TP53BP2: variants seen among roughly 807,000 people sequenced by gnomAD.
TP53BP2 encodes the protein tumor protein p53 binding protein 2.
In TP53BP2, 62 loss-of-function variants were observed where a neutral mutation model predicts 126.2. That is an observed-to-expected ratio of 0.49 (90% CI 0.40 to 0.61). TP53BP2 has a LOEUF of 0.61. Among genes scored for constraint, TP53BP2 ranks in the 20% least tolerant of loss-of-function variants. The probability of loss-of-function intolerance (pLI) is 0.00; values close to 1 mark genes in which losing one functional copy is unlikely to be tolerated. For synonymous variants in TP53BP2, 485 were observed against 502.9 expected (o/e 0.96, Z 0.48); for missense variants, 1,215 against 1,402.8 (o/e 0.87, Z 2.14).
intron 4 of TP53BP2, among the ~76,000 whole-genome samples, chr1:223,809,220 G>A (rs1407146087): frequency 6.6e-6 from 1 of 152,094 alleles, no homozygotes; most frequent in Non-Finnish European, 1.5e-5. Flanking sequence ...CAACGGCTAA[G>A]ATCATTTTTA....
intron 13 of TP53BP2, among the ~76,000 whole-genome samples, chr1:223,794,638 A>G (rs1412840904): frequency 6.6e-6 from 1 of 152,246 alleles, no homozygotes; most frequent in Non-Finnish European, 1.5e-5. Context: ...AGAAAATAAC[A>G]AGTGGCTGTA....
intron 16 of TP53BP2, among the ~76,000 whole-genome samples, chr1:223,787,070 AT>A (rs1437630219): frequency 6.6e-6 from 1 of 151,436 alleles, no homozygotes; most frequent in Admixed American, 6.6e-5. Context: ...TAATTTTTGT[AT>A]TTTTAGTACA....
chr1:223,833,101 TAG>T (rs1048238425), intron 1 of TP53BP2, among the ~76,000 whole-genome samples: 1 of 152,238 alleles, frequency 6.6e-6, no homozygotes, highest in Admixed American at 6.5e-5. Context: ...GCTGTTTCTC[TAG>T]AGTTTACTCT....
chr1:223,786,988 C>T (rs757861236), intron 16 of TP53BP2, among the ~76,000 whole-genome samples: 59 of 149,604 alleles, frequency 3.9e-4, no homozygotes, highest in Middle Eastern at 3.7e-3. Context: ...CCTCCGCCTC[C>T]GGGTTCAAAC....
At chr1:223,805,390 G>C (rs560753882) in intron 5 of TP53BP2, among the ~76,000 whole-genome samples, 17 of 152,290 alleles carry the variant, frequency 1.1e-4, no homozygotes, top group African/African-American at 3.4e-4. Flanking sequence ...GCATCACCTG[G>C]AAGCTTGTGA....
intron 3 of TP53BP2, among the ~76,000 whole-genome samples, chr1:223,812,155 A>C (rs973920524): frequency 2.0e-5 from 3 of 152,090 alleles, no homozygotes; most frequent in Admixed American, 6.5e-5. Context: ...AAAGGCAACC[A>C]GGTAGCTTGG....
At chr1:223,789,242 T>A (rs541101051) in intron 15 of TP53BP2, 68 bp from the exon 16 acceptor site, 236 of 1,562,046 alleles carry the variant, frequency 1.5e-4, no homozygotes, top group Admixed American at 8.7e-4. Context: ...ATAAGATATC[T>A]GGAAAGAAAG....
At chr1:223,788,367 A>G (rs1662041277) in intron 16 of TP53BP2, among the ~76,000 whole-genome samples, 1 of 152,120 alleles carries the variant, frequency 6.6e-6, no homozygotes. Flanking sequence ...AAGCCCAACT[A>G]AAGAGGAAAA....
intron 1 of TP53BP2, among the ~76,000 whole-genome samples, chr1:223,831,520 G>C (rs1255897368): frequency 1.1e-5 from 1 of 93,806 alleles, no homozygotes. Context: ...TATATATACT[G>C]ACCTGTATGA....
At chr1:223,821,987 G>A (rs112059458) in intron 1 of TP53BP2, among the ~76,000 whole-genome samples, 6,905 of 151,836 alleles carry the variant, frequency 0.045, 212 homozygotes, top group Non-Finnish European at 0.07. Context: ...CGCCTCCCGA[G>A]TTCAAGTGAT....
intron 1 of TP53BP2, among the ~76,000 whole-genome samples, chr1:223,823,514 A>T (rs1663388032): frequency 6.6e-6 from 1 of 152,230 alleles, no homozygotes; most frequent in South Asian, 2.1e-4. Flanking sequence ...ATGGAAAAAT[A>T]AAAAAACACT....
rs1558092415 is a variant in TP53BP2, at chr1:223,796,663, T to A, written c.1949-73A>T. 15 of 1,363,254 alleles carry A rather than the reference T, an allele frequency of 1.1e-5. No individual in the cohort carries two copies. In the East Asian group the frequency reaches 3.5e-4, roughly 31 times the overall value. The allele number at this position is 1,363,254 out of a possible 1,614,324, so 84.4% of individuals were successfully genotyped here. On this transcript the variant is annotated intron_variant, in intron 12 of 17. Coordinates refer to ENST00000343537, the MANE Select transcript of TP53BP2 (RefSeq NM_001031685.3). The surrounding 1 kb of genome is among the most constrained non-coding windows in gnomAD (Gnocchi z 4.2). ...AAAACTGGCAAGAAACAGAAACAGC[T>A]AACAATAACTAAAGCCTCTTTTAAT...
chr1:223,801,160 T>C (rs1419028568), intron 9 of TP53BP2, among the ~76,000 whole-genome samples: 2 of 152,242 alleles, frequency 1.3e-5, no homozygotes. Flanking sequence ...AAGTGATACA[T>C]GCACAACACA....
rs143036063 is a variant in TP53BP2, at chr1:223,786,708, G to A, written c.3163+2300C>T. 3.6e-3 allele frequency among the ~76,000 whole-genome samples: 546 copies of A among 150,128 alleles called. 7 individuals carry two copies. Among genetic ancestry groups the A allele is most frequent in the African/African-American group, 0.013 (518 of 40,754 alleles). ...TGCAAGTTCCTCCTCCGGGGTTCAC[G>A]CCATTCTCCTGCCTCGGCCTCCCGA... On this transcript the variant is annotated intron_variant, in intron 16 of 17. Transcript: ENST00000343537.
At chr1:223,793,756 T>C (rs187370105) in intron 13 of TP53BP2, among the ~76,000 whole-genome samples, 80 of 152,278 alleles carry the variant, frequency 5.3e-4, no homozygotes, top group African/African-American at 1.6e-3. Flanking sequence ...AAGTGGCAAA[T>C]AGGCTAGCGT....
chr1:223,836,607 G>C (rs1371084050), intron 1 of TP53BP2, among the ~76,000 whole-genome samples: 1 of 152,188 alleles, frequency 6.6e-6, no homozygotes, highest in African/African-American at 2.4e-5. Flanking sequence ...GAATTCTGGA[G>C]AGGGAAGAGA....
At position 223,845,693 on chromosome 1, in the gene TP53BP2, C is replaced by A; in HGVS notation, c.-13G>T. ...ACCCGAACCGCATGGAAGCGGGTGG[C>A]CAGACTGCGGCCCCGGCCGAGCTGA... On this transcript the variant is annotated 5_prime_UTR_variant, in exon 1 of 18. Transcript: ENST00000343537. 1 of 1,543,082 alleles carries A rather than the reference C, an allele frequency of 6.5e-7. No homozygotes were observed. The highest frequency in any genetic ancestry group is 1.9e-5 in the Admixed American group (1 of 52,740).
At chr1:223,825,439 C>G (rs1439978307) in intron 1 of TP53BP2, among the ~76,000 whole-genome samples, 1 of 152,196 alleles carries the variant, frequency 6.6e-6, no homozygotes, top group Non-Finnish European at 1.5e-5. Flanking sequence ...GTCACTGCCT[C>G]TAGTTCTGTC....
chr1:223,816,236 A>G (rs1663081794), intron 2 of TP53BP2, among the ~76,000 whole-genome samples: 2 of 152,222 alleles, frequency 1.3e-5, no homozygotes, highest in African/African-American at 2.4e-5. Flanking sequence ...ATCCCTCTCA[A>G]TCAAGTGCAG....
Sources: gnomAD v4.1 joint callset for allele counts (sites outside exome capture counted in the v4.1 genomes callset) on GRCh38, gnomAD v4.1.1 for gene constraint, Gnocchi (gnomAD v3.1) non-coding constraint, MANE v1.5 for transcripts, NCBI Gene and HGNC (gene_info 2026-07-23, HGNC 2026-07-21) for gene names.